The following WDR37 variants were observed in gnomAD, a reference collection of about 807,000 sequenced individuals.
WDR37 encodes the protein WD repeat domain 37.
In WDR37, 19 loss-of-function variants were observed where a neutral mutation model predicts 62.9. The observed-to-expected ratio is 0.30, with a 90% confidence interval of 0.21 to 0.44. The LOEUF is 0.44. WDR37 is among the 20% of genes least tolerant of loss of function. The pLI, the probability that WDR37 is intolerant of heterozygous loss-of-function variation, is 1.00. For synonymous variants in WDR37, 250 were observed against 260.9 expected, an observed-to-expected ratio of 0.96 and a Z score of 0.40; for missense variants, 474 against 657.6, an observed-to-expected ratio of 0.72 and a Z score of 3.05.
At chr10:1,124,023 C>T in intron 11 of WDR37, 195 bp from the exon 12 acceptor site, 1 of 633,240 alleles carries the variant, frequency 1.6e-6, no homozygotes, top group Non-Finnish European at 2.7e-6. Context: ...TTCTGATCCA[C>T]TGGGAAGAAA....
In WDR37 at chr10:1,129,248, T is replaced by A; in HGVS notation, c.1389T>A (p.Ser463Arg). 6.2e-6 allele frequency: 10 copies of A among 1,614,094 alleles called. No homozygotes were observed. The highest frequency in any genetic ancestry group is 8.5e-6 in the Non-Finnish European group (10 of 1,180,016). ...GAATGGTATGCTGCTCGGCATGGAG[T>A]GAAGACCACCCCGTGTGCAATCTGT... Reference protein sequence around the residue: ...HRRMVCCSAWSEDHPVCNLFT... With the variant: ...HRRMVCCSAWREDHPVCNLFT... Residue 463 changes from serine to arginine, a missense_variant, in exon 14 of 14, where the codon AGT (serine) becomes AGA (arginine). Physicochemically the swap from Ser to Arg is moderately radical, Grantham distance 110. Transcript: ENST00000263150.
chr10:1,074,641 C>G, intron 2 of WDR37: 1 of 738,768 alleles, frequency 1.4e-6, no homozygotes, highest in Non-Finnish European at 2.0e-6. Context: ...ACGCGTTTGG[C>G]ATGGTAGGTG....
At chr10:1,070,253 G>A (rs1833688177) in intron 1 of WDR37, among the ~76,000 whole-genome samples, 1 of 151,456 alleles carries the variant, frequency 6.6e-6, no homozygotes, top group Admixed American at 6.6e-5. Flanking sequence ...TCACATGACT[G>A]TTTTGGTTGA....
intron 1 of WDR37, among the ~76,000 whole-genome samples, chr10:1,066,385 G>C (rs749311649): frequency 6.6e-6 from 1 of 152,148 alleles, no homozygotes; most frequent in Non-Finnish European, 1.5e-5. Context: ...CAAAGTGCTG[G>C]GATTATAGGC....
chr10:1,074,865 A>G (rs116308780), intron 2 of WDR37, among the ~76,000 whole-genome samples: 1,742 of 152,374 alleles, frequency 0.011, 35 homozygotes, highest in African/African-American at 0.04. Flanking sequence ...GCGCAGGCGC[A>G]GGAGGTCTGT....
chr10:1,074,727 G>GC (rs1833818421), intron 2 of WDR37, among the ~76,000 whole-genome samples: 1 of 152,226 alleles, frequency 6.6e-6, no homozygotes, highest in South Asian at 2.1e-4. Flanking sequence ...GTAGAGTGAC[G>GC]CCCTTTCAGT....
Position 1,096,187 on chromosome 10 carries a change from G to A in WDR37, c.667G>A (p.Ala223Thr), listed in dbSNP as rs1407952128. 1 of 1,614,132 alleles carries A rather than the reference G, an allele frequency of 6.2e-7. No homozygotes were observed. The highest frequency in any genetic ancestry group is 1.1e-5 in the South Asian group (1 of 91,084). The change falls in exon 9 of 14, where the codon GCT becomes ACT. Residue 223 changes from alanine to threonine, a missense_variant. Physicochemically the swap from Ala to Thr is moderately conservative, Grantham distance 58 (BLOSUM62 0). Transcript: ENST00000263150. ...CTCTTCAGCTTCTGGAGATCAGACT[G>A]CTCATATCTGGAGATACGCGGTGCA... is the stretch of plus-strand genomic sequence containing the variant. ...LALTASGDQT[A>T]HIWRYAVQLP...
chr10:1,077,407 C>A (rs1471876347), intron 2 of WDR37, among the ~76,000 whole-genome samples: 1 of 152,162 alleles, frequency 6.6e-6, no homozygotes, highest in African/African-American at 2.4e-5. Flanking sequence ...CTTCACAACA[C>A]TCTTTTAGGT....
intron 13 of WDR37, 151 bp from the exon 14 acceptor site, chr10:1,129,062 T>C (rs750418147): frequency 2.9e-5 from 31 of 1,085,644 alleles, no homozygotes; most frequent in Middle Eastern, 2.9e-4. Flanking sequence ...TGGTGGTCCG[T>C]GCTCGGTGGT....
At chr10:1,118,463 T>G (rs1267153969) in intron 11 of WDR37, among the ~76,000 whole-genome samples, 3 of 111,996 alleles carry the variant, frequency 2.7e-5, no homozygotes, top group South Asian at 3.1e-4. Flanking sequence ...GCCAGCTCTG[T>G]TTGAAGTCCC....
intron 3 of WDR37, 29 bp from the exon 4 acceptor site, chr10:1,079,982 T>A: frequency 1.2e-6 from 2 of 1,604,540 alleles, no homozygotes; most frequent in Non-Finnish European, 1.7e-6. Flanking sequence ...AAACATACTT[T>A]AGATTTTTGA....
rs1491468737 is a variant in WDR37 at position 1,131,684 on chromosome 10, G to GT, written c.*2341dup. 7.2e-5 allele frequency: 2 copies of GT among 27,832 alleles called. No individual in the cohort carries two copies. The highest frequency in any genetic ancestry group is 1.4e-4 in the Non-Finnish European group (2 of 14,328). The allele number at this position is 27,832 out of a possible 1,614,324, so 1.7% of individuals were successfully genotyped here. On this transcript the variant is annotated 3_prime_UTR_variant, in exon 14 of 14. Transcript: ENST00000263150. The stretch of plus-strand genomic sequence containing the variant: ...GGAGTCACAGACAAGATCGGGGATG[G>GT]TGTGTGTGTGTGTGTGTGTGTGTGT...
chr10:1,132,304 T>G lies in WDR37; in HGVS notation c.*2960T>G, dbSNP rs921128983. ...ATATAATACTGGTCACTCGAAAAAT[T>G]TTTAGACTTAAAAAGTCAGTTGTGT... On this transcript the variant is annotated 3_prime_UTR_variant, in exon 14 of 14. Transcript: ENST00000263150. The G allele has an allele frequency of 7.2e-5, 11 of 152,144 alleles. No homozygotes were observed. The highest frequency in any genetic ancestry group is 2.4e-4 in the African/African-American group (10 of 41,432). 9.4% of individuals were successfully genotyped at this position (152,144 alleles called of 1,614,324 possible).
Position 1,129,688 on chromosome 10 carries a change from C to CTCCA in WDR37, c.*344_*345insTCCA. On this transcript the variant is annotated 3_prime_UTR_variant, in exon 14 of 14. Coordinates refer to ENST00000263150, the MANE Select transcript of WDR37 (RefSeq NM_014023.4). ...GAATTAAATGTGAACTTCTGTATTA[C>CTCCA]GTTGCGGCGTCGGCAGTCCTGCGTT... 5.5e-6 allele frequency: 1 copy of CTCCA among 183,282 alleles called. No individual in the cohort carries two copies. The highest frequency in any genetic ancestry group is 1.2e-5 in the Non-Finnish European group (1 of 86,828). 11.4% of individuals were successfully genotyped at this position (183,282 alleles called of 1,614,324 possible). A position where few individuals can be genotyped will look rare whatever the true frequency, so the allele number is the denominator to read the frequency against.
At chr10:1,126,544 A>G (rs1245879361) in intron 13 of WDR37, among the ~76,000 whole-genome samples, 1 of 152,236 alleles carries the variant, frequency 6.6e-6, no homozygotes, top group Non-Finnish European at 1.5e-5. Flanking sequence ...CTGTGTGAGT[A>G]AATGGATTTG....
chr10:1,095,403 C>T (rs1435552494), intron 8 of WDR37, among the ~76,000 whole-genome samples: 1 of 150,372 alleles, frequency 6.7e-6, no homozygotes, highest in African/African-American at 2.5e-5. Flanking sequence ...AGAGGGGAAA[C>T]GTGAGGTAAC....
intron 11 of WDR37, among the ~76,000 whole-genome samples, chr10:1,112,048 C>CTT (rs1835234351): frequency 6.6e-6 from 1 of 152,108 alleles, no homozygotes; most frequent in South Asian, 2.1e-4. Context: ...ACTGCAGGCA[C>CTT]GTGCCTTGGT....
intron 4 of WDR37, 115 bp from the exon 5 acceptor site, chr10:1,080,297 T>A (rs1248739129): frequency 2.1e-6 from 3 of 1,402,444 alleles, no homozygotes; most frequent in Non-Finnish European, 3.0e-6. Flanking sequence ...GTCACTAGGG[T>A]CAAACGAGCC....
chr10:1,064,806 G>T (rs1054931499), intron 1 of WDR37, among the ~76,000 whole-genome samples: 1 of 151,904 alleles, frequency 6.6e-6, no homozygotes, highest in Non-Finnish European at 1.5e-5. Context: ...TAGCCAGGCT[G>T]GTCTTGAACT....
Sources: gnomAD v4.1 joint callset for allele counts (sites outside exome capture counted in the v4.1 genomes callset) on GRCh38, gnomAD v4.1.1 for gene constraint, MANE v1.5 for transcripts, NCBI Gene and HGNC (gene_info 2026-07-23, HGNC 2026-07-21) for gene names.